Variants in CTNND2 observed in about 807,000 individuals in gnomAD.
CTNND2 encodes catenin delta 2, also known as catenin delta-2.
Under a neutral mutation model 144.4 loss-of-function variants are expected in CTNND2, and 22 were observed. The observed-to-expected ratio is 0.15, with a 90% CI of 0.11 to 0.22. The LOEUF (loss-of-function observed/expected upper bound fraction) is 0.22. Among genes scored for constraint, CTNND2 ranks in the 10% least tolerant of loss-of-function variants. The probability of loss-of-function intolerance (pLI) is 1.00; values close to 1 mark genes in which losing one functional copy is unlikely to be tolerated. For missense variants in CTNND2, 1,353 were observed against 1,618.8 expected (o/e 0.84, Z 2.82); for synonymous variants, 751 against 695.6 (o/e 1.08, Z -1.25).
chr5:11,703,122 C>T (rs1428264539), intron 2 of CTNND2, among the ~76,000 whole-genome samples: 1 of 152,106 alleles, frequency 6.6e-6, no homozygotes, highest in Non-Finnish European at 1.5e-5. Context: ...TCTGCAGGCT[C>T]CATCCAAATA....
At chr5:11,489,781 A>G (rs948262321) in intron 3 of CTNND2, among the ~76,000 whole-genome samples, 2 of 152,216 alleles carry the variant, frequency 1.3e-5, no homozygotes, top group East Asian at 1.9e-4. Flanking sequence ...TTATTTATAA[A>G]TTTTAAACTA....
At chr5:11,042,985 A>T (rs1014309604) in intron 16 of CTNND2, among the ~76,000 whole-genome samples, 3 of 152,212 alleles carry the variant, frequency 2.0e-5, no homozygotes, top group Admixed American at 6.5e-5. Flanking sequence ...CAAAAGAGAT[A>T]GTATCCTTTC....
chr5:11,848,212 G>GA (rs200365398), intron 1 of CTNND2, among the ~76,000 whole-genome samples: 3 of 151,864 alleles, frequency 2.0e-5, no homozygotes, highest in Admixed American at 6.6e-5. Flanking sequence ...ATTTTATGGG[G>GA]AAAAAATTAT....
At chr5:11,072,472 A>C (rs1748436102) in intron 16 of CTNND2, among the ~76,000 whole-genome samples, 1 of 152,236 alleles carries the variant, frequency 6.6e-6, no homozygotes, top group Non-Finnish European at 1.5e-5. Flanking sequence ...TTGAATAGGA[A>C]AATTTTGTTT....
At chr5:11,858,084 C>T (rs1445281888) in intron 1 of CTNND2, among the ~76,000 whole-genome samples, 2 of 152,150 alleles carry the variant, frequency 1.3e-5, no homozygotes, top group Non-Finnish European at 2.9e-5. Flanking sequence ...TGGCTTCAAC[C>T]CAGCCATGGA....
At chr5:11,417,918 A>G (rs902934264) in intron 3 of CTNND2, among the ~76,000 whole-genome samples, 5 of 152,204 alleles carry the variant, frequency 3.3e-5, no homozygotes, top group African/African-American at 1.2e-4. Flanking sequence ...TAGAAAAATA[A>G]ACAAATATAA....
intron 8 of CTNND2, among the ~76,000 whole-genome samples, chr5:11,360,298 T>C (rs1756316201): frequency 6.6e-6 from 1 of 152,144 alleles, no homozygotes; most frequent in Non-Finnish European, 1.5e-5. Flanking sequence ...AGATCTAACA[T>C]ATCTTATCTT....
At chr5:11,805,380 ATCTACC>A (rs1178983016) in intron 1 of CTNND2, among the ~76,000 whole-genome samples, 1 of 152,154 alleles carries the variant, frequency 6.6e-6, no homozygotes, top group Non-Finnish European at 1.5e-5. Flanking sequence ...CAACAAGCAC[ATCTACC>A]ACCCTTGGTT....
At chr5:11,175,346 G>T (rs1760373825) in intron 11 of CTNND2, among the ~76,000 whole-genome samples, 1 of 152,090 alleles carries the variant, frequency 6.6e-6, no homozygotes, top group African/African-American at 2.4e-5. Context: ...AAGGGATAAA[G>T]AATAAAGTAA....
chr5:11,768,143 T>C (rs1789703965), intron 1 of CTNND2, among the ~76,000 whole-genome samples: 1 of 152,196 alleles, frequency 6.6e-6, no homozygotes, highest in South Asian at 2.1e-4. Context: ...GAACAGGTTT[T>C]CTGTGGTCTC....
intron 3 of CTNND2, among the ~76,000 whole-genome samples, chr5:11,488,705 G>C (rs1249930276): frequency 1.3e-5 from 2 of 152,136 alleles, no homozygotes; most frequent in Non-Finnish European, 2.9e-5. Flanking sequence ...CAATCCTTTA[G>C]ATACTCCCTG....
intron 3 of CTNND2, among the ~76,000 whole-genome samples, chr5:11,545,422 G>C (rs757538184): frequency 1.3e-5 from 2 of 151,136 alleles, no homozygotes; most frequent in African/African-American, 4.9e-5. Flanking sequence ...CTGTAATCCC[G>C]GAATTTTGGG....
intron 2 of CTNND2, among the ~76,000 whole-genome samples, chr5:11,598,407 G>A (rs1483608178): frequency 6.6e-6 from 1 of 152,096 alleles, no homozygotes; most frequent in African/African-American, 2.4e-5. Flanking sequence ...CTCCAGGGGG[G>A]TCTCCTACCC....
At chr5:11,857,653 C>T (rs920458297) in intron 1 of CTNND2, among the ~76,000 whole-genome samples, 3 of 152,066 alleles carry the variant, frequency 2.0e-5, no homozygotes, top group Non-Finnish European at 4.4e-5. Flanking sequence ...ATATTAAGTA[C>T]GGGTTAACCT....
intron 10 of CTNND2, among the ~76,000 whole-genome samples, chr5:11,223,712 C>T (rs747182122): frequency 3.9e-5 from 6 of 152,138 alleles, no homozygotes; most frequent in Non-Finnish European, 8.8e-5. Flanking sequence ...ACATCTGATG[C>T]GTCCCTGACA....
In CTNND2 at chr5:10,972,002, C is replaced by T. The variant is rs998631816; in HGVS notation, c.*1451G>A. The stretch of plus-strand genomic sequence containing the variant: ...TTAGCTCTGTTAACCACTATTCTAA[C>T]GTTAGCTTCAAGTTCAGTTTTAATA... On this transcript the variant is annotated 3_prime_UTR_variant, in exon 22 of 22. Coordinates refer to ENST00000304623, the MANE Select transcript of CTNND2 (RefSeq NM_001332.4). The T allele has an allele frequency of 6.6e-6, 1 of 152,642 alleles. No homozygotes were observed. Among genetic ancestry groups the T allele is most frequent in the Non-Finnish European group, 1.5e-5 (1 of 68,038 alleles). The allele number at this position is 152,642 out of a possible 1,614,324, so 9.5% of individuals were successfully genotyped here. A position where few individuals can be genotyped will look rare whatever the true frequency, so the allele number is the denominator to read the frequency against.
At chr5:11,195,994 G>C (rs900905469) in intron 11 of CTNND2, among the ~76,000 whole-genome samples, 3 of 152,188 alleles carry the variant, frequency 2.0e-5, no homozygotes, top group Admixed American at 6.5e-5. Flanking sequence ...ATTCTGCTGT[G>C]AAGAGATATT....
At chr5:11,687,198 C>T (rs779035707) in intron 2 of CTNND2, among the ~76,000 whole-genome samples, 13 of 152,224 alleles carry the variant, frequency 8.5e-5, no homozygotes, top group Non-Finnish European at 1.3e-4. Context: ...CCGGAGTGAT[C>T]TGGCTAAAAC....
At chr5:11,485,075 C>T (rs1768669748) in intron 3 of CTNND2, among the ~76,000 whole-genome samples, 1 of 152,076 alleles carries the variant, frequency 6.6e-6, no homozygotes, top group African/African-American at 2.4e-5. Context: ...ATAATATACA[C>T]TGAAAATCAA....
Sources: gnomAD v4.1 joint callset for allele counts (sites outside exome capture counted in the v4.1 genomes callset) on GRCh38, gnomAD v4.1.1 for gene constraint, MANE v1.5 for transcripts, NCBI Gene and HGNC (gene_info 2026-07-23, HGNC 2026-07-21) for gene names.